LRMDA: variants seen among roughly 807,000 people sequenced by gnomAD.
LRMDA encodes the protein leucine rich melanocyte differentiation associated.
LRMDA carries 18 observed loss-of-function variants against 29.8 expected under a neutral mutation model. The ratio of observed to expected loss-of-function variants is 0.60; its 90% confidence interval spans 0.42 to 0.90. LRMDA has a LOEUF of 0.90. LRMDA is among the 40% of genes least tolerant of loss of function. The pLI is 0.00. For synonymous variants in LRMDA, 125 were observed against 109.4 expected, an observed-to-expected ratio of 1.14 and a Z score of -0.89; for missense variants, 273 against 273.9, an observed-to-expected ratio of 1.00 and a Z score of 0.02.
intron 5 of LRMDA, among the ~76,000 whole-genome samples, chr10:76,166,272 G>T (rs578124237): frequency 2.0e-5 from 3 of 152,212 alleles, no homozygotes; most frequent in African/African-American, 4.8e-5. Context: ...AAACCTGCTT[G>T]GTTCTTTGTT....
intron 3 of LRMDA, among the ~76,000 whole-genome samples, chr10:76,039,105 A>G (rs1848300408): frequency 6.6e-6 from 1 of 152,256 alleles, no homozygotes; most frequent in African/African-American, 2.4e-5. Flanking sequence ...GTAGTCTTCA[A>G]GTTCAACTTA....
intron 6 of LRMDA, among the ~76,000 whole-genome samples, chr10:76,461,541 G>A (rs895389727): frequency 1.3e-5 from 2 of 152,154 alleles, no homozygotes. Flanking sequence ...CGTAGGTAGA[G>A]TGCCTTAACT....
intron 2 of LRMDA, among the ~76,000 whole-genome samples, chr10:75,494,793 G>A (rs1350687930): frequency 6.6e-6 from 1 of 152,146 alleles, no homozygotes; most frequent in Non-Finnish European, 1.5e-5. Context: ...GAGCCACCGT[G>A]CCTGGCCTGT....
intron 2 of LRMDA, among the ~76,000 whole-genome samples, chr10:75,568,062 A>C (rs1438786138): frequency 2.6e-5 from 4 of 152,220 alleles, no homozygotes; most frequent in Non-Finnish European, 5.9e-5. Flanking sequence ...TTAATTAGAA[A>C]GTAGACAAAT....
intron 5 of LRMDA, among the ~76,000 whole-genome samples, chr10:76,104,801 A>C (rs1475596956): frequency 6.6e-6 from 1 of 150,538 alleles, no homozygotes; most frequent in Non-Finnish European, 1.5e-5. Context: ...CCCATATGGA[A>C]CCCCCCTCTG....
intron 2 of LRMDA, among the ~76,000 whole-genome samples, chr10:75,765,753 C>T (rs1006637715): frequency 6.6e-6 from 1 of 152,010 alleles, no homozygotes; most frequent in East Asian, 1.9e-4. Context: ...TGAAAAGGAG[C>T]CACCTTCGCC....
At chr10:76,136,755 A>G (rs890046718) in intron 5 of LRMDA, among the ~76,000 whole-genome samples, 3 of 152,226 alleles carry the variant, frequency 2.0e-5, no homozygotes, top group Non-Finnish European at 2.9e-5. Context: ...TATATTTTAC[A>G]TAAGTTTTTA....
chr10:76,134,978 G>T (rs535399337), intron 5 of LRMDA, among the ~76,000 whole-genome samples: 1 of 152,290 alleles, frequency 6.6e-6, no homozygotes, highest in South Asian at 2.1e-4. Context: ...TATTTCTGCG[G>T]CCTTTGAAAA....
intron 6 of LRMDA, among the ~76,000 whole-genome samples, chr10:76,412,491 G>A (rs1841972787): frequency 6.6e-6 from 1 of 152,102 alleles, no homozygotes; most frequent in East Asian, 1.9e-4. Context: ...AACATCTTGT[G>A]GTGAGAAGGA....
chr10:76,062,782 G>A (rs906861955), intron 5 of LRMDA, among the ~76,000 whole-genome samples: 2 of 150,908 alleles, frequency 1.3e-5, no homozygotes, highest in African/African-American at 4.9e-5. Context: ...ATCAAATATT[G>A]GCCATTGAAT....
intron 2 of LRMDA, among the ~76,000 whole-genome samples, chr10:75,727,317 G>A (rs368591017): frequency 2.0e-5 from 3 of 152,170 alleles, no homozygotes; most frequent in African/African-American, 7.2e-5. Context: ...ATGTGTGTTT[G>A]GGTAGCTGAG....
chr10:75,848,576 T>C (rs72811430), intron 2 of LRMDA, among the ~76,000 whole-genome samples: 25,328 of 152,208 alleles, frequency 0.17, 2,673 homozygotes, highest in South Asian at 0.26. Flanking sequence ...CCTGCCTCCT[T>C]CTTCCTGGGT....
intron 5 of LRMDA, among the ~76,000 whole-genome samples, chr10:76,136,496 A>G (rs1301279011): frequency 6.6e-6 from 1 of 152,198 alleles, no homozygotes; most frequent in Non-Finnish European, 1.5e-5. Context: ...AGGGAGATTC[A>G]ATATTATGAG....
At chr10:75,438,665 G>A (rs187801784) in intron 2 of LRMDA, among the ~76,000 whole-genome samples, 171 bp downstream of exon 2, 7 of 152,320 alleles carry the variant, frequency 4.6e-5, no homozygotes, top group East Asian at 3.9e-4. Flanking sequence ...CACTGTGTCC[G>A]GTGATTCCTT....
At chr10:75,668,025 TC>T (rs1841844549) in intron 2 of LRMDA, among the ~76,000 whole-genome samples, 1 of 152,226 alleles carries the variant, frequency 6.6e-6, no homozygotes, top group Non-Finnish European at 1.5e-5. Flanking sequence ...AAAATCAAAA[TC>T]CGATACACAA....
intron 2 of LRMDA, among the ~76,000 whole-genome samples, chr10:75,795,500 C>A (rs984993730): frequency 3.9e-5 from 6 of 152,116 alleles, no homozygotes; most frequent in Non-Finnish European, 8.8e-5. Flanking sequence ...ACTACACTCC[C>A]CCATTCAATT....
chr10:76,513,037 T>C (rs1350129288), intron 6 of LRMDA, among the ~76,000 whole-genome samples: 1 of 152,328 alleles, frequency 6.6e-6, no homozygotes, highest in Non-Finnish European at 1.5e-5. Flanking sequence ...CTGTTTGCCC[T>C]CTACTTTGCA....
intron 2 of LRMDA, among the ~76,000 whole-genome samples, chr10:75,973,842 C>T (rs777960344): frequency 1.3e-5 from 2 of 152,190 alleles, no homozygotes; most frequent in Non-Finnish European, 2.9e-5. Flanking sequence ...AGAAAGGCCA[C>T]CTGAACTCAA....
At chr10:75,756,037 T>C (rs150712034) in intron 2 of LRMDA, among the ~76,000 whole-genome samples, 3 of 152,348 alleles carry the variant, frequency 2.0e-5, no homozygotes, top group Admixed American at 1.3e-4. Flanking sequence ...CTCAGTGGAA[T>C]ATTTTTCTTT....
Sources: gnomAD v4.1 joint callset for allele counts (sites outside exome capture counted in the v4.1 genomes callset) on GRCh38, gnomAD v4.1.1 for gene constraint, MANE v1.5 for transcripts, NCBI Gene and HGNC (gene_info 2026-07-23, HGNC 2026-07-21) for gene names.